The following CADM1 variants were observed in gnomAD, a reference collection of about 807,000 sequenced individuals.
The protein encoded by CADM1 is TSLC-1.
CADM1 carries 15 observed loss-of-function variants against 53.1 expected under a neutral mutation model. That is an observed-to-expected ratio of 0.28 (90% CI 0.19 to 0.44). The LOEUF (loss-of-function observed/expected upper bound fraction) is 0.44. CADM1 is among the 20% of genes least tolerant of loss of function. CADM1 has a pLI of 1.00. For synonymous variants in CADM1, 281 were observed against 243.0 expected, an observed-to-expected ratio of 1.16 and a Z score of -1.45; for missense variants, 434 against 611.3, an observed-to-expected ratio of 0.71 and a Z score of 3.06.
chr11:115,202,851 GT>G (rs201336245), intron 8 of CADM1, among the ~76,000 whole-genome samples: 6,192 of 145,302 alleles, frequency 0.043, 417 homozygotes, highest in African/African-American at 0.14. Context: ...TATATGGTGG[GT>G]TTTTTTTTTT....
intron 1 of CADM1, among the ~76,000 whole-genome samples, chr11:115,435,626 A>AGT (rs1397947001): frequency 6.6e-6 from 1 of 152,176 alleles, no homozygotes; most frequent in African/African-American, 2.4e-5. Flanking sequence ...CCAGCTACTC[A>AGT]GGAGGCTGAG....
intron 1 of CADM1, among the ~76,000 whole-genome samples, chr11:115,279,741 A>G (rs960076717): frequency 6.6e-6 from 1 of 152,234 alleles, no homozygotes; most frequent in African/African-American, 2.4e-5. Context: ...GGTGGGGACA[A>G]ATTTATAAAA....
At chr11:115,457,295 G>C (rs534962842) in intron 1 of CADM1, among the ~76,000 whole-genome samples, 1 of 152,124 alleles carries the variant, frequency 6.6e-6, no homozygotes, top group Non-Finnish European at 1.5e-5. Flanking sequence ...AGAGGTGCTC[G>C]ATAAGTCGAA....
intron 1 of CADM1, among the ~76,000 whole-genome samples, chr11:115,481,532 A>G (rs1427014202): frequency 6.6e-6 from 1 of 152,126 alleles, no homozygotes; most frequent in Non-Finnish European, 1.5e-5. Flanking sequence ...GATCTCATCC[A>G]TGGCCATGTC....
chr11:115,250,632 G>A (rs964493910), intron 1 of CADM1, among the ~76,000 whole-genome samples: 2 of 152,178 alleles, frequency 1.3e-5, no homozygotes, highest in Admixed American at 1.3e-4. Flanking sequence ...CTGCTATCTG[G>A]AGGAGGATAT....
In CADM1 at chr11:115,176,167, CA is replaced by C; in HGVS notation, c.*306del. On this transcript the variant is annotated 3_prime_UTR_variant, in exon 12 of 12. Transcript: ENST00000331581. Reference sequence around the variant, plus strand: ...AAAAGAAAGGAACGCAACAAACAAACAAAAAACAAGGCACAGAATTTTCTGC... The same window carrying C: ...AAAAGAAAGGAACGCAACAAACAAACAAAAACAAGGCACAGAATTTTCTGC... The C allele has an allele frequency of 8.5e-7, 1 of 1,182,084 alleles. No individual in the cohort carries two copies. Among genetic ancestry groups the C allele is most frequent in the Non-Finnish European group, 1.1e-6 (1 of 941,650 alleles). 73.2% of individuals were successfully genotyped at this position (1,182,084 alleles called of 1,614,324 possible). A position where few individuals can be genotyped will look rare whatever the true frequency, so the allele number is the denominator to read the frequency against.
intron 1 of CADM1, among the ~76,000 whole-genome samples, chr11:115,348,692 G>A (rs568672026): frequency 9.2e-5 from 14 of 152,204 alleles, no homozygotes; most frequent in African/African-American, 3.1e-4. Context: ...CCACTGAGAC[G>A]CAAGGCCCTT....
chr11:115,196,728 C>T (rs1940176669), intron 9 of CADM1, among the ~76,000 whole-genome samples: 1 of 151,742 alleles, frequency 6.6e-6, no homozygotes, highest in Non-Finnish European at 1.5e-5. Context: ...GTTGGATGAG[C>T]TTGCATTTTA....
intron 1 of CADM1, among the ~76,000 whole-genome samples, chr11:115,285,412 T>C (rs1943705424): frequency 6.6e-6 from 1 of 152,164 alleles, no homozygotes; most frequent in East Asian, 1.9e-4. Flanking sequence ...CCCAATGAAG[T>C]AGTAGTCTTA....
intron 1 of CADM1, among the ~76,000 whole-genome samples, chr11:115,502,297 C>T (rs960416357): frequency 2.7e-5 from 4 of 150,004 alleles, no homozygotes; most frequent in Middle Eastern, 3.2e-3. Context: ...AAAGCAATAT[C>T]CCCGACCACA....
intron 8 of CADM1, among the ~76,000 whole-genome samples, chr11:115,202,683 TTAAC>T (rs1280492455): frequency 1.3e-5 from 2 of 152,338 alleles, no homozygotes; most frequent in East Asian, 3.9e-4. Flanking sequence ...GTTTATTTTC[TTAAC>T]TAAAGTCAAT....
At chr11:115,241,910 G>A (rs971066125) in intron 1 of CADM1, among the ~76,000 whole-genome samples, 2 of 150,378 alleles carry the variant, frequency 1.3e-5, no homozygotes, top group Non-Finnish European at 3.0e-5. Flanking sequence ...TATAAATAGA[G>A]ATGCAATTAG....
chr11:115,454,266 C>G (rs189855508), intron 1 of CADM1, among the ~76,000 whole-genome samples: 1 of 152,230 alleles, frequency 6.6e-6, no homozygotes, highest in East Asian at 1.9e-4. Context: ...CTTGAGGAAG[C>G]TGTAAGGTCT....
intron 1 of CADM1, among the ~76,000 whole-genome samples, chr11:115,473,907 A>G (rs1371711676): frequency 2.6e-5 from 4 of 152,198 alleles, no homozygotes; most frequent in Non-Finnish European, 5.9e-5. Context: ...CCTACAGTCT[A>G]TGAGAAAACG....
intron 1 of CADM1, among the ~76,000 whole-genome samples, chr11:115,337,949 T>C (rs1271927194): frequency 6.6e-6 from 1 of 152,174 alleles, no homozygotes; most frequent in Non-Finnish European, 1.5e-5. Flanking sequence ...TTTAAGAGAT[T>C]GGTTGGAAAT....
At chr11:115,370,279 G>A (rs572572669) in intron 1 of CADM1, among the ~76,000 whole-genome samples, 98 of 152,242 alleles carry the variant, frequency 6.4e-4, no homozygotes, top group African/African-American at 2.2e-3. Flanking sequence ...AACTACACAA[G>A]TTATAAGGAG....
intron 1 of CADM1, among the ~76,000 whole-genome samples, chr11:115,324,661 T>G (rs1190450390): frequency 1.3e-5 from 2 of 152,106 alleles, no homozygotes; most frequent in Admixed American, 1.3e-4. Flanking sequence ...AAATACTATA[T>G]GATGAACAAG....
At chr11:115,247,874 A>G (rs1942457211) in intron 1 of CADM1, among the ~76,000 whole-genome samples, 2 of 152,238 alleles carry the variant, frequency 1.3e-5, no homozygotes, top group Admixed American at 1.3e-4. Context: ...TCCGCCCTCA[A>G]CTTACACACT....
chr11:115,477,837 T>G (rs1041561668), intron 1 of CADM1, among the ~76,000 whole-genome samples: 17 of 152,146 alleles, frequency 1.1e-4, no homozygotes, highest in African/African-American at 3.6e-4. Context: ...ACAAGAAAAC[T>G]TTACATTCAG....
Sources: allele counts gnomAD v4.1 joint callset (sites outside exome capture counted in the v4.1 genomes callset), GRCh38; gene constraint gnomAD v4.1.1; transcripts MANE v1.5; gene names NCBI Gene and HGNC (gene_info 2026-07-23, HGNC 2026-07-21).